AARSD1: variants seen among roughly 807,000 people sequenced by gnomAD.
The protein encoded by AARSD1 is alanyl-tRNA synthetase domain containing 1.
In AARSD1, 44 loss-of-function variants were observed where a neutral mutation model predicts 48.7. The observed-to-expected ratio is 0.90, with a 90% CI of 0.71 to 1.16. The LOEUF (loss-of-function observed/expected upper bound fraction) is 1.16. Ranked by LOEUF, AARSD1 falls within the 50% of genes most tolerant of loss-of-function variation. AARSD1 has a pLI of 0.00. For missense variants in AARSD1, 511 were observed against 523.1 expected, an observed-to-expected ratio of 0.98 and a Z score of 0.23; for synonymous variants, 189 against 194.9, an observed-to-expected ratio of 0.97 and a Z score of 0.25.
chr17:42,962,998 G>A (rs2049658472), intron 2 of AARSD1, among the ~76,000 whole-genome samples: 1 of 152,100 alleles, frequency 6.6e-6, no homozygotes, highest in Non-Finnish European at 1.5e-5. Context: ...ACTCCAGCCT[G>A]GGTGACATAG....
chr17:42,958,300 G>A (rs1024557803), intron 3 of AARSD1, among the ~76,000 whole-genome samples: 6 of 152,066 alleles, frequency 3.9e-5, no homozygotes, highest in African/African-American at 1.4e-4. Flanking sequence ...AAGAGTTTGA[G>A]ACCAGCCTGA....
chr17:42,950,697 C>T lies in AARSD1; in HGVS notation c.1135G>A (p.Gly379Arg). The T allele has an allele frequency of 6.2e-7, 1 of 1,613,956 alleles. No homozygotes were observed. The highest frequency in any genetic ancestry group is 8.5e-7 in the Non-Finnish European group (1 of 1,179,996). Residue 379 changes from glycine to arginine, a missense_variant, in exon 12 of 12, where the codon GGG becomes AGG. Gly to Arg is a moderately radical substitution (Grantham distance 125). Coordinates refer to ENST00000427569, the MANE Select transcript of AARSD1 (RefSeq NM_001261434.2). ...VAEVLEGKGAGKKGRFQGKAT... is the reference protein window; with the variant it reads ...VAEVLEGKGARKKGRFQGKAT... Reference sequence around the variant, plus strand: ...TTGCCCTGAAAACGGCCTTTCTTCCCTGCTCCTTTGCCTTCCAGGACCTCA... The same window carrying T: ...TTGCCCTGAAAACGGCCTTTCTTCCTTGCTCCTTTGCCTTCCAGGACCTCA...
At position 42,964,225 on chromosome 17, in the gene AARSD1, C is replaced by A; in HGVS notation, c.52G>T (p.Val18Leu). The change falls in exon 2 of 12, where the codon GTG (valine) becomes TTG (leucine). Residue 18 changes from valine to leucine, a missense_variant. By Grantham distance (32) the Val-to-Leu change is conservative. Transcript: ENST00000427569. ...AGCTCCGCGGGACAGCAGGAGACCACGGTGGTGGTGAACTGAACAGAGAGG... is the reference window on the plus strand; with the variant it reads ...AGCTCCGCGGGACAGCAGGAGACCAAGGTGGTGGTGAACTGAACAGAGAGG... ...DSYAREFTTT[V>L]VSCCPAELQT... is the part of the protein sequence containing the mutation. 6.2e-7 allele frequency: 1 copy of A among 1,613,944 alleles called. No homozygotes were observed.
chr17:42,958,170 G>A (rs569943894), intron 3 of AARSD1, among the ~76,000 whole-genome samples: 13 of 152,206 alleles, frequency 8.5e-5, no homozygotes, highest in Middle Eastern at 3.4e-3. Flanking sequence ...CCTCTGAAGA[G>A]CTTTAAGCAG....
intron 2 of AARSD1, among the ~76,000 whole-genome samples, chr17:42,963,900 C>T (rs1415047268): frequency 6.6e-6 from 1 of 152,146 alleles, no homozygotes; most frequent in South Asian, 2.1e-4. Flanking sequence ...TGTTGTTCAC[C>T]GGTTATCCTT....
In AARSD1 at chr17:42,956,394, C is replaced by A; in HGVS notation, c.546+10G>T. The A allele has an allele frequency of 6.2e-7, 1 of 1,614,030 alleles. No homozygotes were observed. The highest frequency in any genetic ancestry group is 8.5e-7 in the Non-Finnish European group (1 of 1,180,000). The stretch of plus-strand genomic sequence containing the variant: ...TTCCGCAGAAACCATCCCTCTGGCT[C>A]TACCCTTACCTGCTCCACCTCAGGA... On this transcript the variant is annotated intron_variant, in intron 5 of 11. Coordinates refer to ENST00000427569, the MANE Select transcript of AARSD1 (RefSeq NM_001261434.2).
At chr17:42,963,910 T>C (rs1023748969) in intron 2 of AARSD1, among the ~76,000 whole-genome samples, 196 bp downstream of exon 2, 2 of 152,206 alleles carry the variant, frequency 1.3e-5, no homozygotes, top group Admixed American at 6.5e-5. Flanking sequence ...CGGTTATCCT[T>C]ACAGCCTGGA....
At position 42,954,928 on chromosome 17, in the gene AARSD1, C is replaced by A; in HGVS notation, c.901G>T (p.Ala301Ser). 1.9e-6 allele frequency: 3 copies of A among 1,614,122 alleles called. No individual in the cohort carries two copies. The highest frequency in any genetic ancestry group is 2.5e-6 in the Non-Finnish European group (3 of 1,180,020). ...TCTGGACTGTTCCTGAGGCTATGGGCAATGTGCACAGCCAGGTCTCTGAGC... is the reference window on the plus strand; with the variant it reads ...TCTGGACTGTTCCTGAGGCTATGGGAAATGTGCACAGCCAGGTCTCTGAGC... The part of the protein sequence containing the change: ...NLLRDLAVHI[A>S]HSLRNSPDWG... The change falls in exon 9 of 12, where the codon GCC becomes TCC. Residue 301 changes from alanine to serine, a missense_variant. Physicochemically the swap from Ala to Ser is moderately conservative, Grantham distance 99. Coordinates refer to ENST00000427569, the MANE Select transcript of AARSD1 (RefSeq NM_001261434.2).
chr17:42,956,048 G>A (rs2049546002), intron 6 of AARSD1, 76 bp from the exon 7 acceptor site: 1 of 1,610,386 alleles, frequency 6.2e-7, no homozygotes, highest in African/African-American at 1.3e-5. Context: ...AGAACCTGAA[G>A]GCAGGAGAAA....
intron 9 of AARSD1, 45 bp downstream of exon 9, chr17:42,954,831 C>A (rs1390129118): frequency 1.9e-6 from 3 of 1,605,334 alleles, no homozygotes; most frequent in Non-Finnish European, 2.6e-6. Flanking sequence ...GAGCCCTAAG[C>A]CCAACACAGT....
intron 10 of AARSD1, among the ~76,000 whole-genome samples, chr17:42,952,527 G>A (rs1051871055): frequency 1.3e-5 from 2 of 152,044 alleles, no homozygotes; most frequent in African/African-American, 4.8e-5. Flanking sequence ...AGAGATAGTG[G>A]GGCATGGTGG....
chr17:42,962,969 A>C (rs1028518302), intron 2 of AARSD1, among the ~76,000 whole-genome samples: 11 of 152,114 alleles, frequency 7.2e-5, no homozygotes, highest in African/African-American at 2.4e-4. Context: ...GGCTGCAGTG[A>C]GCTAGATCAG....
chr17:42,955,836 G>A lies in AARSD1; in HGVS notation c.794+6C>T, dbSNP rs760639093. ...GAGGTAATCGAAGGTACTGAAACAG[G>A]CATACTTAAGCAGAGCAGTCAGTGC... is the stretch of plus-strand genomic sequence containing the variant. On this transcript the variant is annotated splice_donor_region_variant and intron_variant, in intron 7 of 11. Transcript: ENST00000427569. The A allele has an allele frequency of 5.0e-6, 8 of 1,614,040 alleles. No individual in the cohort carries two copies. The highest frequency in any genetic ancestry group is 6.8e-6 in the Non-Finnish European group (8 of 1,179,996).
intron 9 of AARSD1, chr17:42,954,060 A>C: frequency 2.3e-6 from 1 of 442,834 alleles, no homozygotes; most frequent in Non-Finnish European, 4.2e-6. Context: ...GACAGTCCTA[A>C]AGAAAGATAC....
At position 42,962,148 on chromosome 17, in the gene AARSD1, A is replaced by AC. The variant is rs369969310; in HGVS notation, c.172-798_172-797insG. 1.5e-3 allele frequency: 326 copies of AC among 220,518 alleles called. 1 individual carries two copies. The highest frequency in any genetic ancestry group is 7.5e-3 in the African/African-American group (315 of 42,194). 13.7% of individuals were successfully genotyped at this position (220,518 alleles called of 1,614,324 possible). On this transcript the variant is annotated intron_variant, in intron 2 of 11. Coordinates refer to ENST00000427569, the MANE Select transcript of AARSD1 (RefSeq NM_001261434.2). ...AACCCCGTCTCTACTAAAATACAAA[A>AC]AATTAACTGGGCATGGTGGTGCACA...
chr17:42,956,868 C>T (rs894805247), intron 4 of AARSD1, among the ~76,000 whole-genome samples: 2 of 147,784 alleles, frequency 1.4e-5, no homozygotes, highest in African/African-American at 2.5e-5. Flanking sequence ...GGGGTTTCAC[C>T]GTGTTAGCCA....
intron 4 of AARSD1, 100 bp from the exon 5 acceptor site, chr17:42,956,660 C>CTTTATTTTT (rs2049557944): frequency 5.8e-6 from 1 of 173,350 alleles, no homozygotes; most frequent in African/African-American, 4.6e-5. Context: ...CCTCTCACCA[C>CTTTATTTTT]TTTTTTTTTT....
chr17:42,957,762 T>A (rs1407974656), intron 3 of AARSD1, among the ~76,000 whole-genome samples: 1 of 152,162 alleles, frequency 6.6e-6, no homozygotes, highest in African/African-American at 2.4e-5. Flanking sequence ...TGAGCCACTG[T>A]GCCCAGTGAA....
rs760481973 is a variant in AARSD1 at position 42,950,627 on chromosome 17, TG to T, written c.1204del (p.Gln402ArgfsTer30). The T allele has an allele frequency of 6.2e-7, 1 of 1,614,042 alleles. No homozygotes were observed. The highest frequency in any genetic ancestry group is 8.5e-7 in the Non-Finnish European group (1 of 1,179,988). Reference protein sequence around the residue: ...SRRMEAQALLQDYISTQSAKE With the variant: ...SRRMEAQALLXDYISTQSAKE Reference sequence around the variant, plus strand: ...AGCACTCTGCGTGCTGATGTAGTCCTGGAGAAGCGCCTGCGCCTCCATCCGC... The same window carrying T: ...AGCACTCTGCGTGCTGATGTAGTCCTGAGAAGCGCCTGCGCCTCCATCCGC... On this transcript the variant is annotated frameshift_variant, in exon 12 of 12. Coordinates refer to ENST00000427569, the MANE Select transcript of AARSD1 (RefSeq NM_001261434.2). LOFTEE classifies it high-confidence loss of function.
Sources: allele counts gnomAD v4.1 joint callset (sites outside exome capture counted in the v4.1 genomes callset), GRCh38; gene constraint gnomAD v4.1.1; transcripts MANE v1.5; gene names NCBI Gene and HGNC (gene_info 2026-07-23, HGNC 2026-07-21).